KCNN2: variants seen among roughly 807,000 people sequenced by gnomAD.
KCNN2 encodes small conductance calcium-activated potassium channel protein 2.
KCNN2 carries 24 observed loss-of-function variants against 55.5 expected under a neutral mutation model. The observed-to-expected ratio is 0.43, with a 90% CI of 0.31 to 0.61. KCNN2 has a LOEUF of 0.61. Ranked by LOEUF, KCNN2 falls within the 20% of genes least tolerant of loss-of-function variation. KCNN2 has a pLI of 0.08. For missense variants in KCNN2, 754 were observed against 853.6 expected, an observed-to-expected ratio of 0.88 and a Z score of 1.45; for synonymous variants, 431 against 336.1, an observed-to-expected ratio of 1.28 and a Z score of -3.09.
intron 6 of KCNN2, 179 bp from the exon 7 acceptor site, chr5:114,493,224 T>C (rs576864603): frequency 3.7e-5 from 25 of 680,324 alleles, no homozygotes; most frequent in South Asian, 3.6e-4. Context: ...TTTTTTGCGG[T>C]GTTGGGGAAG....
At chr5:114,112,156 G>C (rs944482568) in intron 1 of KCNN2, among the ~76,000 whole-genome samples, 1 of 152,084 alleles carries the variant, frequency 6.6e-6, no homozygotes, top group Non-Finnish European at 1.5e-5. Flanking sequence ...CCATAAAAAA[G>C]GATGAGTTCA....
chr5:114,437,789 A>G (rs1760060225), intron 3 of KCNN2, among the ~76,000 whole-genome samples: 1 of 152,190 alleles, frequency 6.6e-6, no homozygotes, highest in Admixed American at 6.5e-5. Flanking sequence ...GGAAGAGGAC[A>G]TTGAGAAGCA....
intron 2 of KCNN2, among the ~76,000 whole-genome samples, chr5:114,233,131 G>A (rs1012346013): frequency 6.0e-5 from 9 of 149,278 alleles, no homozygotes; most frequent in East Asian, 2.0e-4. Flanking sequence ...CGTTTTAGCC[G>A]GGATGGTCTC....
At chr5:114,078,016 G>A (rs1244358719) in intron 1 of KCNN2, among the ~76,000 whole-genome samples, 1 of 152,174 alleles carries the variant, frequency 6.6e-6, no homozygotes, top group Non-Finnish European at 1.5e-5. Context: ...GTTTAATAAT[G>A]CTGTAAAAAT....
At chr5:114,318,796 A>T (rs368746706) in intron 2 of KCNN2, among the ~76,000 whole-genome samples, 6 of 152,202 alleles carry the variant, frequency 3.9e-5, no homozygotes, top group African/African-American at 1.2e-4. Flanking sequence ...ATGTTCTTCC[A>T]TAATCCTTGG....
chr5:114,455,574 T>C (rs1465306493), intron 3 of KCNN2, among the ~76,000 whole-genome samples: 1 of 152,220 alleles, frequency 6.6e-6, no homozygotes, highest in Non-Finnish European at 1.5e-5. Context: ...GGATTGCGTA[T>C]CTCTCACTTT....
intron 1 of KCNN2, among the ~76,000 whole-genome samples, chr5:114,206,316 A>T (rs1413851238): frequency 6.6e-6 from 1 of 152,002 alleles, no homozygotes. Flanking sequence ...TTCTTCTGGG[A>T]TTACCTCCTA....
chr5:114,136,535 G>C (rs1752176968), intron 1 of KCNN2, among the ~76,000 whole-genome samples: 1 of 152,220 alleles, frequency 6.6e-6, no homozygotes, highest in South Asian at 2.1e-4. Context: ...TGGATAGGCA[G>C]TTCATGCTGG....
chr5:114,450,960 T>C (rs544024507), intron 3 of KCNN2, among the ~76,000 whole-genome samples: 1 of 152,336 alleles, frequency 6.6e-6, no homozygotes, highest in East Asian at 1.9e-4. Flanking sequence ...GTAATCAACA[T>C]TTAATTTTCA....
At chr5:114,483,670 G>A (rs1054116082) in intron 5 of KCNN2, among the ~76,000 whole-genome samples, 18 of 151,784 alleles carry the variant, frequency 1.2e-4, no homozygotes, top group African/African-American at 3.1e-4. Flanking sequence ...CTTTGATTAC[G>A]GTTGATTACT....
At chr5:114,072,223 C>T (rs1228918594) in intron 1 of KCNN2, among the ~76,000 whole-genome samples, 3 of 151,624 alleles carry the variant, frequency 2.0e-5, no homozygotes, top group Non-Finnish European at 2.9e-5. Context: ...ACCCAGGAGG[C>T]AGAGGTTGCG....
At chr5:114,073,432 T>C (rs899532154) in intron 1 of KCNN2, among the ~76,000 whole-genome samples, 2 of 152,260 alleles carry the variant, frequency 1.3e-5, no homozygotes, top group African/African-American at 2.4e-5. Flanking sequence ...ATGGACTTTA[T>C]TGATGGCTCC....
At chr5:114,119,584 C>G (rs2112594497) in intron 1 of KCNN2, among the ~76,000 whole-genome samples, 1 of 152,264 alleles carries the variant, frequency 6.6e-6, no homozygotes, top group African/African-American at 2.4e-5. Context: ...GTTCTCTCCT[C>G]TATACCCTGA....
At chr5:114,292,825 A>T (rs1429122508) in intron 2 of KCNN2, among the ~76,000 whole-genome samples, 1 of 152,230 alleles carries the variant, frequency 6.6e-6, no homozygotes, top group African/African-American at 2.4e-5. Flanking sequence ...ACCCATGAGC[A>T]TGGAATATTC....
chr5:114,371,663 G>T (rs1757762499), intron 2 of KCNN2, among the ~76,000 whole-genome samples: 2 of 152,108 alleles, frequency 1.3e-5, no homozygotes, highest in South Asian at 4.1e-4. Flanking sequence ...CTTTTCACAG[G>T]ATCACAGAAC....
chr5:114,097,087 G>A (rs1751272260), intron 1 of KCNN2, among the ~76,000 whole-genome samples: 1 of 152,150 alleles, frequency 6.6e-6, no homozygotes, highest in Admixed American at 6.6e-5. Context: ...TTCCATAAAT[G>A]TATCCTGAAA....
intron 1 of KCNN2, among the ~76,000 whole-genome samples, chr5:114,211,161 A>G (rs981548246): frequency 1.8e-4 from 28 of 152,290 alleles, no homozygotes; most frequent in African/African-American, 5.8e-4. Context: ...GCGATTTCTC[A>G]GAGAGATAAA....
intron 3 of KCNN2, among the ~76,000 whole-genome samples, chr5:114,458,075 T>C (rs1315824436): frequency 6.6e-6 from 1 of 152,198 alleles, no homozygotes; most frequent in Non-Finnish European, 1.5e-5. Flanking sequence ...TTTGTTCTTG[T>C]TGGTTTACAC....
intron 2 of KCNN2, among the ~76,000 whole-genome samples, chr5:114,238,016 G>A (rs563440827): frequency 9.9e-5 from 15 of 152,162 alleles, no homozygotes; most frequent in South Asian, 2.1e-4. Context: ...ACCAAGTCAC[G>A]TGGCTTCAAT....
Sources: allele counts gnomAD v4.1 joint callset (sites outside exome capture counted in the v4.1 genomes callset), GRCh38; gene constraint gnomAD v4.1.1; transcripts MANE v1.5; gene names NCBI Gene and HGNC (gene_info 2026-07-23, HGNC 2026-07-21).